Variants in NEK10 observed in about 807,000 individuals in gnomAD.
NEK10 encodes the protein NIMA related kinase 10.
In NEK10, 122 loss-of-function variants were observed where a neutral mutation model predicts 159.8. That is an observed-to-expected ratio of 0.76 (90% CI 0.66 to 0.89). The LOEUF is 0.89. NEK10 is among the 40% of genes least tolerant of loss of function. The pLI, the probability that NEK10 is intolerant of heterozygous loss-of-function variation, is 0.00. For synonymous variants in NEK10, 466 were observed against 457.1 expected, an observed-to-expected ratio of 1.02 and a Z score of -0.25; for missense variants, 1,342 against 1,323.1, an observed-to-expected ratio of 1.01 and a Z score of -0.22.
intron 26 of NEK10, among the ~76,000 whole-genome samples, chr3:27,184,291 A>C (rs1304467095): frequency 6.6e-6 from 1 of 152,212 alleles, no homozygotes; most frequent in African/African-American, 2.4e-5. Context: ...AATCTCATAG[A>C]TATTTTGTCA....
chr3:27,179,472 T>C (rs1380079675), intron 26 of NEK10, among the ~76,000 whole-genome samples: 1 of 152,188 alleles, frequency 6.6e-6, no homozygotes. Flanking sequence ...TTTATTATGG[T>C]TAAAAATGTT....
intron 3 of NEK10, among the ~76,000 whole-genome samples, chr3:27,349,961 A>C (rs562256487): frequency 5.9e-5 from 9 of 152,196 alleles, no homozygotes; most frequent in Non-Finnish European, 1.0e-4. Flanking sequence ...AAAGAACAAA[A>C]GTAGAACACT....
chr3:27,338,400 T>A (rs2046963589), intron 5 of NEK10, among the ~76,000 whole-genome samples: 2 of 152,230 alleles, frequency 1.3e-5, no homozygotes, highest in African/African-American at 4.8e-5. Context: ...TAAACATACC[T>A]GTGCATGTGT....
chr3:27,169,415 C>T (rs938936665), intron 29 of NEK10, among the ~76,000 whole-genome samples: 1 of 152,140 alleles, frequency 6.6e-6, no homozygotes, highest in Admixed American at 6.5e-5. Flanking sequence ...GACTCCTCTG[C>T]ACTTTGGCCC....
chr3:27,142,732 AAG>A (rs1943908111), intron 30 of NEK10, among the ~76,000 whole-genome samples: 1 of 152,044 alleles, frequency 6.6e-6, no homozygotes, highest in South Asian at 2.1e-4. Context: ...AGTCATTTAA[AAG>A]AGTCAACTTG....
intron 22 of NEK10, chr3:27,265,447 C>G (rs146700090): frequency 6.6e-6 from 1 of 152,312 alleles, no homozygotes; most frequent in African/African-American, 2.4e-5. Flanking sequence ...TTAATGTTGT[C>G]AGTTTTTGTT....
chr3:27,141,640 A>G, intron 30 of NEK10, 58 bp from the exon 31 acceptor site: 1 of 1,319,140 alleles, frequency 7.6e-7, no homozygotes, highest in Non-Finnish European at 1.1e-6. Context: ...ACATTAGTGA[A>G]AAAATGAAGT....
At chr3:27,321,052 A>C (rs1344544515) in intron 6 of NEK10, among the ~76,000 whole-genome samples, 1 of 152,184 alleles carries the variant, frequency 6.6e-6, no homozygotes, top group East Asian at 1.9e-4. Context: ...CACTTAAAGG[A>C]AACATATTCT....
chr3:27,109,162 T>A lies in NEK10; in HGVS notation c.*2110A>T, dbSNP rs1939265470. Among the ~76,000 whole-genome samples the A allele has an allele frequency of 6.6e-6, 1 of 152,156 alleles. No homozygotes were observed. Among genetic ancestry groups the A allele is most frequent in the Admixed American group, 6.6e-5 (1 of 15,264 alleles). On this transcript the variant is annotated 3_prime_UTR_variant, in exon 36 of 36. Transcript: ENST00000691995. The stretch of plus-strand genomic sequence containing the variant: ...GGGAGGCCGAGGCAGGCAGATCACC[T>A]GAGGTCAGGAGTTTGAGACCAGCCT...
intron 30 of NEK10, chr3:27,162,153 ATG>A: frequency 9.6e-6 from 3 of 311,216 alleles, no homozygotes; most frequent in South Asian, 6.5e-5. Context: ...TATGTAAAAC[ATG>A]GTTACTATTT....
chr3:27,270,822 G>T (rs976959491), intron 22 of NEK10, among the ~76,000 whole-genome samples: 1 of 151,580 alleles, frequency 6.6e-6, no homozygotes, highest in East Asian at 1.9e-4. Flanking sequence ...CTACTACAAG[G>T]TCTACACGAC....
chr3:27,171,755 A>C (rs1207745059), intron 29 of NEK10, 64 bp downstream of exon 29: 3 of 1,556,090 alleles, frequency 1.9e-6, no homozygotes, highest in Admixed American at 3.6e-5. Flanking sequence ...GTTTCAATTC[A>C]GCTGAGTTAT....
rs2048065042 is a variant in NEK10 at position 27,352,789 on chromosome 3, GCAAA to G, written c.71+19_71+22del. 2.6e-6 allele frequency: 4 copies of G among 1,544,150 alleles called. No homozygotes were observed. In the African/African-American group the frequency reaches 5.4e-5, roughly 21 times the overall value. On this transcript the variant is annotated intron_variant, in intron 2 of 35. Coordinates refer to ENST00000691995, the MANE Select transcript of NEK10 (RefSeq NM_001394966.1). ...TGGCCACTGCCTGAGTTAACAATTA[GCAAA>G]CACTCAGTAGGGAGTTACCTGATGG...
At chr3:27,219,136 G>A (rs1176779563) in intron 23 of NEK10, among the ~76,000 whole-genome samples, 1 of 152,176 alleles carries the variant, frequency 6.6e-6, no homozygotes, top group Non-Finnish European at 1.5e-5. Flanking sequence ...TCTTGTCAGT[G>A]TTATAACCCA....
At chr3:27,166,577 A>G (rs1365370453) in intron 29 of NEK10, among the ~76,000 whole-genome samples, 1 of 152,242 alleles carries the variant, frequency 6.6e-6, no homozygotes, top group Admixed American at 6.5e-5. Flanking sequence ...AAGAGGCAAG[A>G]TCCACAGGTC....
chr3:27,294,774 A>G (rs571002406), intron 15 of NEK10, among the ~76,000 whole-genome samples: 8 of 152,044 alleles, frequency 5.3e-5, no homozygotes, highest in African/African-American at 1.7e-4. Context: ...ACTTGGGGGA[A>G]AAAAAAAGAT....
chr3:27,207,308 T>C (rs1225239042), intron 23 of NEK10, among the ~76,000 whole-genome samples: 5 of 152,142 alleles, frequency 3.3e-5, no homozygotes, highest in African/African-American at 1.2e-4. Context: ...AAAGAAATAC[T>C]AGGGCACAGG....
At chr3:27,138,887 T>C (rs578015421) in intron 31 of NEK10, among the ~76,000 whole-genome samples, 2 of 152,294 alleles carry the variant, frequency 1.3e-5, no homozygotes, top group East Asian at 3.9e-4. Context: ...TCTTGACTAG[T>C]AAACAGTAAT....
At chr3:27,283,889 G>C (rs146471983) in intron 22 of NEK10, among the ~76,000 whole-genome samples, 1 of 152,204 alleles carries the variant, frequency 6.6e-6, no homozygotes, top group African/African-American at 2.4e-5. Flanking sequence ...CTCATGTGTT[G>C]GTCATAAAAG....
Sources: gnomAD v4.1 joint callset for allele counts (sites outside exome capture counted in the v4.1 genomes callset) on GRCh38, gnomAD v4.1.1 for gene constraint, MANE v1.5 for transcripts, NCBI Gene and HGNC (gene_info 2026-07-23, HGNC 2026-07-21) for gene names.